The following GTF3C2 variants were observed in gnomAD, a reference collection of about 807,000 sequenced individuals.
GTF3C2 encodes general transcription factor IIIC subunit 2.
A neutral mutation model predicts 117.4 loss-of-function variants in GTF3C2; 17 were observed. The ratio of observed to expected loss-of-function variants is 0.14; its 90% CI spans 0.10 to 0.22. The LOEUF is 0.22. GTF3C2 is among the 10% of genes least tolerant of loss of function. The pLI, the probability that GTF3C2 is intolerant of heterozygous loss-of-function variation, is 1.00. For synonymous variants in GTF3C2, 437 were observed against 427.0 expected, an observed-to-expected ratio of 1.02 and a Z score of -0.29; for missense variants, 888 against 1,143.6, an observed-to-expected ratio of 0.78 and a Z score of 3.22.
At chr2:27,337,410 G>A (rs1226574866) in intron 6 of GTF3C2, 68 bp from the exon 7 acceptor site, 6 of 1,460,326 alleles carry the variant, frequency 4.1e-6, no homozygotes, top group East Asian at 2.3e-5. Context: ...TCCCATTATA[G>A]AGCCTCTGTC....
rs1680774574 is a variant in GTF3C2, at chr2:27,342,601, G to A, written c.569+225C>T. ...GAGCTGGGTAAAGTTTGTGAAAAAT[G>A]GCATAGGACATAAAGTACAGACAAT... On this transcript the variant is annotated intron_variant, in intron 3 of 18. Coordinates refer to ENST00000264720, the Ensembl canonical transcript of GTF3C2. 5.3e-6 allele frequency: 3 copies of A among 568,750 alleles called. No individual in the cohort carries two copies. The South Asian group carries it at 6.9e-5, about 13-fold the overall frequency. 35.2% of individuals were successfully genotyped at this position (568,750 alleles called of 1,614,324 possible).
intron 16 of GTF3C2, 93 bp downstream of exon 16, chr2:27,328,375 C>A: frequency 7.5e-7 from 1 of 1,332,640 alleles, no homozygotes; most frequent in Non-Finnish European, 1.1e-6. Context: ...ATATCAGGGC[C>A]GGGAGACCTG....
intron 18 of GTF3C2, 32 bp from the exon 19 acceptor site, chr2:27,326,925 G>A (rs1680094585): frequency 1.4e-6 from 2 of 1,411,008 alleles, no homozygotes; most frequent in Admixed American, 1.7e-5. Context: ...AGAGAGAGAT[G>A]CTCATGGGTG....
chr2:27,336,741 T>G, intron 7 of GTF3C2: 1 of 316,392 alleles, frequency 3.2e-6, no homozygotes, highest in South Asian at 4.5e-5. Context: ...CTGGAGTAGC[T>G]GGGACTACAG....
intron 1 of GTF3C2, chr2:27,356,326 G>A (rs1250248327): frequency 8.5e-6 from 3 of 351,072 alleles, no homozygotes; most frequent in South Asian, 2.1e-5. Flanking sequence ...CCACTCTAGG[G>A]GCCATCACCT....
At chr2:27,332,293 G>C (rs1203894987) in intron 12 of GTF3C2, among the ~76,000 whole-genome samples, 1 of 151,864 alleles carries the variant, frequency 6.6e-6, no homozygotes, top group Non-Finnish European at 1.5e-5. Context: ...TTACAGGTGT[G>C]AGCCACCATG....
intron 11 of GTF3C2, 26 bp downstream of exon 11, chr2:27,333,948 G>T: frequency 6.3e-7 from 1 of 1,582,914 alleles, no homozygotes; most frequent in Non-Finnish European, 8.7e-7. Context: ...TGGAGCCTCA[G>T]CTAAGGTAGC....
chr2:27,336,103 T>C, intron 8 of GTF3C2, 75 bp from the exon 9 acceptor site: 1 of 1,394,540 alleles, frequency 7.2e-7, no homozygotes, highest in South Asian at 1.2e-5. Flanking sequence ...GCTCCCCTTG[T>C]CTCAGCCCAA....
chr2:27,336,024 C>T (rs1156625693), exon 9 of GTF3C2: 1 of 1,606,160 alleles, frequency 6.2e-7, no homozygotes, highest in South Asian at 1.1e-5. Flanking sequence ...GCCCTGTTGC[C>T]AGGACTGGAG....
At position 27,354,241 on chromosome 2, in the gene GTF3C2, C is replaced by A. The variant is rs562127775; in HGVS notation, c.-25+2498G>T. The stretch of plus-strand genomic sequence containing the variant: ...AAGGTTACAGTGAGCTGTGATCATG[C>A]CACTCGACTCCAGCCTGGGTGACAG... On this transcript the variant is annotated intron_variant, in intron 1 of 18. Transcript: ENST00000264720. 9.7e-4 allele frequency among the ~76,000 whole-genome samples: 148 copies of A among 152,082 alleles called. No homozygotes were observed. The South Asian group carries it at 0.011, about 11-fold the overall frequency.
chr2:27,354,629 C>T (rs1480747650), intron 1 of GTF3C2, among the ~76,000 whole-genome samples: 1 of 152,152 alleles, frequency 6.6e-6, no homozygotes, highest in Admixed American at 6.5e-5. Flanking sequence ...GTGGCAGGCG[C>T]CTGTAATCCC....
At chr2:27,342,777 A>G in intron 3 of GTF3C2, 49 bp downstream of exon 3, 2 of 1,388,232 alleles carry the variant, frequency 1.4e-6, no homozygotes, top group South Asian at 2.5e-5. Flanking sequence ...CCCCACCCTG[A>G]TCCCTTCACC....
At chr2:27,330,009 G>A (rs1680222979) in intron 12 of GTF3C2, among the ~76,000 whole-genome samples, 2 of 151,798 alleles carry the variant, frequency 1.3e-5, no homozygotes, top group East Asian at 1.9e-4. Context: ...GGCCAGATGT[G>A]GTGGTGGGTG....
At chr2:27,346,745 A>C (rs140668367) in intron 1 of GTF3C2, among the ~76,000 whole-genome samples, 2,526 of 151,860 alleles carry the variant, frequency 0.017, 40 homozygotes, top group Non-Finnish European at 0.026. Context: ...CCCAGACTAG[A>C]ATGTGGTGGT....
At chr2:27,332,726 TA>T (rs1371845180) in intron 12 of GTF3C2, among the ~76,000 whole-genome samples, 2 of 151,476 alleles carry the variant, frequency 1.3e-5, no homozygotes, top group Admixed American at 6.6e-5. Context: ...AAAATTTTAT[TA>T]TTTTTTTGAG....
chr2:27,337,669 C>T (rs1680541235), intron 5 of GTF3C2, 111 bp from the exon 6 acceptor site: 2 of 806,978 alleles, frequency 2.5e-6, no homozygotes, highest in Non-Finnish European at 4.3e-6. Context: ...CCCCAATATG[C>T]CAGTTGCTAG....
At chr2:27,347,254 C>T (rs1403626679) in intron 1 of GTF3C2, among the ~76,000 whole-genome samples, 1 of 152,040 alleles carries the variant, frequency 6.6e-6, no homozygotes, top group Non-Finnish European at 1.5e-5. Context: ...TATATATACG[C>T]CTTAAGAATA....
chr2:27,342,255 G>C (rs769508935), intron 3 of GTF3C2, 22 bp from the exon 4 acceptor site: 9 of 1,586,094 alleles, frequency 5.7e-6, no homozygotes, highest in Non-Finnish European at 7.7e-6. Context: ...GACAGAGTCA[G>C]AGCCATTCTC....
chr2:27,339,644 T>A (rs1680643711), intron 4 of GTF3C2: 1 of 151,886 alleles, frequency 6.6e-6, no homozygotes, highest in Non-Finnish European at 1.5e-5. Context: ...ACCAGACATC[T>A]CCAGCAGAAT....
Sources: gnomAD v4.1 joint callset for allele counts (sites outside exome capture counted in the v4.1 genomes callset) on GRCh38, gnomAD v4.1.1 for gene constraint, MANE v1.5 for transcripts, NCBI Gene and HGNC (gene_info 2026-07-23, HGNC 2026-07-21) for gene names.